The following KCNK15 variants were observed in gnomAD, a reference collection of about 807,000 sequenced individuals.
The protein encoded by KCNK15 is potassium channel subfamily K member 15.
In KCNK15, 9 loss-of-function variants were observed where a neutral mutation model predicts 8.5. The observed-to-expected ratio is 1.06, with a 90% CI of 0.64 to 1.85. KCNK15 has a LOEUF of 1.85. Among genes scored for constraint, KCNK15 ranks in the 40% most tolerant of loss-of-function variants. The pLI, the probability that KCNK15 is intolerant of heterozygous loss-of-function variation, is 0.00. For missense variants in KCNK15, 467 were observed against 476.8 expected, an observed-to-expected ratio of 0.98 and a Z score of 0.19; for synonymous variants, 224 against 232.7, an observed-to-expected ratio of 0.96 and a Z score of 0.34.
rs1475269348 is a variant in KCNK15, at chr20:44,745,928, G to A, written c.18G>A (p.Val6=). 62 of 1,334,680 alleles carry A rather than the reference G, an allele frequency of 4.6e-5. No homozygotes were observed. Among genetic ancestry groups the A allele is most frequent in the Non-Finnish European group, 5.6e-5 (58 of 1,038,506 alleles). 82.7% of individuals were successfully genotyped at this position (1,334,680 alleles called of 1,614,324 possible). The change falls in exon 1 of 2, where the codon GTG becomes GTA. Residue 6 remains valine, a synonymous_variant. Coordinates refer to ENST00000372861, the MANE Select transcript of KCNK15 (RefSeq NM_022358.4). The part of the protein sequence containing the change: MRRPS[V]RAAGLVLCTL... Reference sequence around the variant, plus strand: ...GGGGCGCCATGCGGAGGCCGAGCGTGCGCGCGGCCGGGCTGGTCCTGTGCA... The same window carrying A: ...GGGGCGCCATGCGGAGGCCGAGCGTACGCGCGGCCGGGCTGGTCCTGTGCA...
Position 44,750,140 on chromosome 20 carries a change from G to T in KCNK15, c.295G>T (p.Ala99Ser). 1 of 1,608,812 alleles carries T rather than the reference G, an allele frequency of 6.2e-7. No homozygotes were observed. The change falls in exon 2 of 2, where the codon GCC becomes TCC. Residue 99 changes from alanine (A) to serine (S), a missense_variant. This residue lies in a region of KCNK15 where 455 missense variants were observed against 441.2 expected (regional missense o/e 1.03). Transcript: ENST00000372861. The part of the protein sequence containing the change: ...TVITTIEYGH[A>S]APGTDSGKVF... ...CTCTCCCTGCATAGAGTACGGCCAC[G>T]CCGCGCCGGGTACGGACTCCGGCAA...
In KCNK15 at chr20:44,750,652, C is replaced by T. The variant is rs1487469562; in HGVS notation, c.807C>T (p.Pro269=). 27 of 1,520,186 alleles carry T rather than the reference C, an allele frequency of 1.8e-5. No homozygotes were observed. Among genetic ancestry groups the T allele is most frequent in the Non-Finnish European group, 2.3e-5 (26 of 1,142,300 alleles). The allele number at this position is 1,520,186 out of a possible 1,614,324, so 94.2% of individuals were successfully genotyped here. ...RTPSPRPPGA[P]ESRGLWLPRR... is the part of the protein sequence containing the mutation. ...CCAGCCCGCGCCCCCCGGGGGCGCC[C>T]GAGAGCCGTGGCCTCTGGCTGCCCC... Residue 269 remains proline, a synonymous_variant, in exon 2 of 2, where the codon CCC becomes CCT. Coordinates refer to ENST00000372861, the MANE Select transcript of KCNK15 (RefSeq NM_022358.4).
rs1445884163 is a variant in KCNK15 at position 44,750,747 on chromosome 20, G to A, written c.902G>A (p.Arg301His). The change falls in exon 2 of 2, where the codon CGC becomes CAC. Residue 301 changes from arginine (R) to histidine (H), a missense_variant. Physicochemically the swap from Arg to His is conservative, Grantham distance 29. Transcript: ENST00000372861. ...CHVHKLERCA[R>H]DNLGFSPPSS... ...GTGCACAAGCTGGAGAGGTGCGCCC[G>A]CGACAACCTGGGCTTTTCGCCCCCC... is the stretch of plus-strand genomic sequence containing the variant. 3 of 1,518,834 alleles carry A rather than the reference G, an allele frequency of 2.0e-6. No homozygotes were observed. The highest frequency in any genetic ancestry group is 2.0e-5 in the Admixed American group (1 of 49,178). The allele number at this position is 1,518,834 out of a possible 1,614,324, so 94.1% of individuals were successfully genotyped here.
At position 44,750,626 on chromosome 20, in the gene KCNK15, C is replaced by A. The variant is rs755306621; in HGVS notation, c.781C>A (p.Pro261Thr). ...ADWPERAART[P>T]SPRPPGAPES... ...CTGGCCCGAGCGCGCTGCCCGCACC[C>A]CCAGCCCGCGCCCCCCGGGGGCGCC... The change falls in exon 2 of 2, where the codon CCC becomes ACC. Residue 261 changes from proline to threonine, a missense_variant. Pro to Thr is a conservative substitution (Grantham distance 38). Transcript: ENST00000372861. 1.3e-5 allele frequency: 20 copies of A among 1,589,092 alleles called. No individual in the cohort carries two copies. The highest frequency in any genetic ancestry group is 6.7e-5 in the African/African-American group (5 of 74,112).
intron 1 of KCNK15, 39 bp downstream of exon 1, chr20:44,746,232 C>A (rs1466811303): frequency 4.4e-6 from 6 of 1,353,356 alleles, no homozygotes; most frequent in Non-Finnish European, 5.7e-6. Flanking sequence ...CCGCTCCAGC[C>A]CCAGCCGTCC....
chr20:44,746,647 T>C (rs2066009131), intron 1 of KCNK15: 1 of 157,122 alleles, frequency 6.4e-6, no homozygotes, highest in Non-Finnish European at 1.4e-5. Context: ...CTCAGGGCTG[T>C]GGTGAGAGTT....
chr20:44,746,251 C>T, intron 1 of KCNK15, 58 bp downstream of exon 1: 1 of 1,332,632 alleles, frequency 7.5e-7, no homozygotes, highest in Non-Finnish European at 9.7e-7. Context: ...CCCGGGGCGC[C>T]TCTGGGTTTC....
At position 44,746,026 on chromosome 20, in the gene KCNK15, G is replaced by T. The variant is rs1426804393; in HGVS notation, c.116G>T (p.Arg39Leu). The change falls in exon 1 of 2, where the codon CGA becomes CTA. Residue 39 changes from arginine (R) to leucine (L), a missense_variant. This residue lies in a region of KCNK15 where 455 missense variants were observed against 441.2 expected (regional missense o/e 1.03). Coordinates refer to ENST00000372861, the MANE Select transcript of KCNK15 (RefSeq NM_022358.4). ...LESEAESGRQ[R>L]LLVQKRGALR... is the part of the protein sequence containing the mutation. ...TCCGAGGCGGAAAGCGGCCGCCAGC[G>T]ACTGCTGGTCCAGAAGCGGGGCGCT... 3 of 1,535,224 alleles carry T rather than the reference G, an allele frequency of 2.0e-6. No homozygotes were observed. The highest frequency in any genetic ancestry group is 2.4e-5 in the South Asian group (2 of 82,642).
In KCNK15 at chr20:44,750,289, C is replaced by A. The variant is rs1465716325; in HGVS notation, c.444C>A (p.Gly148=). The A allele has an allele frequency of 1.2e-6, 2 of 1,605,860 alleles. No individual in the cohort carries two copies. The highest frequency in any genetic ancestry group is 2.2e-5 in the South Asian group (2 of 90,318). The change falls in exon 2 of 2, where the codon GGC becomes GGA. Residue 148 remains glycine (G), a synonymous_variant. Transcript: ENST00000372861. ...TGTTGGCGGCCAAGTGCTGCCTGGGCCTGCGGTGGACGTGCGTGTCCACGG... is the reference window on the plus strand; with the variant it reads ...TGTTGGCGGCCAAGTGCTGCCTGGGACTGCGGTGGACGTGCGTGTCCACGG... The part of the protein sequence containing the change: ...RLLLAAKCCL[G]LRWTCVSTEN...
rs1036607728 is a variant in KCNK15 at position 44,752,066 on chromosome 20, G to A, written c.*1228G>A. 4 of 152,248 alleles carry A rather than the reference G, an allele frequency of 2.6e-5. No homozygotes were observed. The highest frequency in any genetic ancestry group is 5.9e-5 in the Non-Finnish European group (4 of 68,080). The allele number at this position is 152,248 out of a possible 1,614,324, so 9.4% of individuals were successfully genotyped here. A position where few individuals can be genotyped will look rare whatever the true frequency, so the allele number is the denominator to read the frequency against. On this transcript the variant is annotated 3_prime_UTR_variant, in exon 2 of 2. Coordinates refer to ENST00000372861, the MANE Select transcript of KCNK15 (RefSeq NM_022358.4). ...AAGGGCTCCAGAGGTGATGCTCACA[G>A]CCCTGGGTTCGGCTCCATTCTGACC...
rs762525637 is a variant in KCNK15, at chr20:44,750,766, G to A, written c.921G>A (p.Ser307=). The A allele has an allele frequency of 3.3e-6, 5 of 1,515,448 alleles. No individual in the cohort carries two copies. In the East Asian group the frequency reaches 1.1e-4, roughly 32 times the overall value. The allele number at this position is 1,515,448 out of a possible 1,614,324, so 93.9% of individuals were successfully genotyped here. ...GCGCCCGCGACAACCTGGGCTTTTC[G>A]CCCCCCTCGAGCCCGGGGGTCGTGC... The part of the protein sequence containing the change: ...ERCARDNLGF[S]PPSSPGVVRG... Residue 307 remains serine, a synonymous_variant, in exon 2 of 2, where the codon TCG becomes TCA. Coordinates refer to ENST00000372861, the MANE Select transcript of KCNK15 (RefSeq NM_022358.4).
chr20:44,746,028 C>A lies in KCNK15; in HGVS notation c.118C>A (p.Leu40Met). 1 of 1,538,468 alleles carries A rather than the reference C, an allele frequency of 6.5e-7. No homozygotes were observed. The stretch of plus-strand genomic sequence containing the variant: ...CGAGGCGGAAAGCGGCCGCCAGCGA[C>A]TGCTGGTCCAGAAGCGGGGCGCTCT... Reference protein sequence around the residue: ...ESEAESGRQRLLVQKRGALRR... With the variant: ...ESEAESGRQRMLVQKRGALRR... Residue 40 changes from leucine to methionine, a missense_variant, in exon 1 of 2, where the codon CTG becomes ATG. By Grantham distance (15) the Leu-to-Met change is conservative. This residue lies in a region of KCNK15 where 455 missense variants were observed against 441.2 expected (regional missense o/e 1.03). Coordinates refer to ENST00000372861, the MANE Select transcript of KCNK15 (RefSeq NM_022358.4).
chr20:44,748,810 G>C (rs1387110286), intron 1 of KCNK15, among the ~76,000 whole-genome samples: 1 of 152,128 alleles, frequency 6.6e-6, no homozygotes, highest in Admixed American at 6.6e-5. Flanking sequence ...AAGATGTTTA[G>C]CAGTGTCCCT....
At chr20:44,749,867 C>T (rs1897990864) in intron 1 of KCNK15, among the ~76,000 whole-genome samples, 1 of 152,164 alleles carries the variant, frequency 6.6e-6, no homozygotes, top group South Asian at 2.1e-4. Context: ...CCTTGGTTGC[C>T]GCAAGTTACA....
At position 44,746,010 on chromosome 20, in the gene KCNK15, GA is replaced by G; in HGVS notation, c.103del (p.Ser35AlafsTer86). 1 of 1,533,854 alleles carries G rather than the reference GA, an allele frequency of 6.5e-7. No homozygotes were observed. On this transcript the variant is annotated frameshift_variant, in exon 1 of 2. Coordinates refer to ENST00000372861, the MANE Select transcript of KCNK15 (RefSeq NM_022358.4). LOFTEE classifies it high-confidence loss of function. ...AVFDALESEA[E>X]SGRQRLLVQK... ...CTTCGACGCGCTCGAGTCCGAGGCG[GA>G]AAGCGGCCGCCAGCGACTGCTGGTC...
chr20:44,750,067 G>C (rs1568889271), intron 1 of KCNK15, 62 bp from the exon 2 acceptor site: 1 of 1,473,210 alleles, frequency 6.8e-7, no homozygotes, highest in Non-Finnish European at 9.1e-7. Context: ...CAGGCTGCGG[G>C]CGGGACTGTT....
intron 1 of KCNK15, 24 bp downstream of exon 1, chr20:44,746,217 C>T (rs912048445): frequency 8.0e-6 from 11 of 1,367,538 alleles, no homozygotes; most frequent in Admixed American, 6.0e-5. Flanking sequence ...AGCCTCCCTC[C>T]GCGCCCGCTC....
At chr20:44,750,003 G>C (rs934771502) in intron 1 of KCNK15, 126 bp from the exon 2 acceptor site, 2 of 805,202 alleles carry the variant, frequency 2.5e-6, no homozygotes, top group Non-Finnish European at 3.8e-6. Flanking sequence ...GTTAGGACTA[G>C]TATTTGGAGA....
chr20:44,749,814 C>T (rs1601010008), intron 1 of KCNK15, among the ~76,000 whole-genome samples: 1 of 152,202 alleles, frequency 6.6e-6, no homozygotes, highest in African/African-American at 2.4e-5. Flanking sequence ...TGTAGGCTTT[C>T]GAGCTCGTCT....
Sources: gnomAD v4.1 joint callset for allele counts (sites outside exome capture counted in the v4.1 genomes callset) on GRCh38, gnomAD v4.1.1 for gene constraint, gnomAD v4.1.1 regional missense constraint, MANE v1.5 for transcripts, NCBI Gene and HGNC (gene_info 2026-07-23, HGNC 2026-07-21) for gene names.